LHFPL3: variants seen among roughly 807,000 people sequenced by gnomAD.
LHFPL3 encodes the protein LHFPL tetraspan subfamily member 3, also known as LHFPL tetraspan subfamily member 3 protein.
Under a neutral mutation model 19.3 loss-of-function variants are expected in LHFPL3, and 5 were observed. That is an observed-to-expected ratio of 0.26 (90% CI 0.14 to 0.54). The LOEUF (loss-of-function observed/expected upper bound fraction) is 0.54, where lower values mean the gene tolerates loss of function less well. Ranked by LOEUF, LHFPL3 falls within the 20% of genes least tolerant of loss-of-function variation. The pLI is 0.94. For missense variants in LHFPL3, 249 were observed against 307.4 expected, an observed-to-expected ratio of 0.81 and a Z score of 1.42; for synonymous variants, 133 against 126.2, an observed-to-expected ratio of 1.05 and a Z score of -0.36.
intron 2 of LHFPL3, among the ~76,000 whole-genome samples, chr7:104,840,586 TGGGATTAC>T (rs1008580675): frequency 7.1e-6 from 1 of 141,086 alleles, no homozygotes; most frequent in African/African-American, 2.7e-5. Context: ...CCTGAAGTAC[TGGGATTAC>T]GGGCAGGAGC....
At chr7:104,581,553 GTGTC>G (rs1370346510) in intron 1 of LHFPL3, among the ~76,000 whole-genome samples, 1 of 152,014 alleles carries the variant, frequency 6.6e-6, no homozygotes, top group Admixed American at 6.6e-5. Context: ...ACTATGCACT[GTGTC>G]TGTTTAAGAA....
intron 2 of LHFPL3, among the ~76,000 whole-genome samples, chr7:104,746,923 A>G (rs1794056593): frequency 6.6e-6 from 1 of 152,142 alleles, no homozygotes; most frequent in Admixed American, 6.5e-5. Flanking sequence ...CTTTGTTCCT[A>G]ATATCACTGA....
At chr7:104,727,372 T>C (rs1251691368) in intron 1 of LHFPL3, among the ~76,000 whole-genome samples, 1 of 152,236 alleles carries the variant, frequency 6.6e-6, no homozygotes, top group Non-Finnish European at 1.5e-5. Context: ...CAGTTGTTTT[T>C]GACGTTTTCC....
chr7:104,831,667 A>C (rs1790955190), intron 2 of LHFPL3, among the ~76,000 whole-genome samples: 1 of 151,904 alleles, frequency 6.6e-6, no homozygotes, highest in Non-Finnish European at 1.5e-5. Context: ...TAATTTTCTC[A>C]TTTGAAAAAT....
intron 2 of LHFPL3, among the ~76,000 whole-genome samples, chr7:104,807,682 G>C (rs186253928): frequency 4.6e-4 from 70 of 152,300 alleles, no homozygotes; most frequent in Middle Eastern, 3.4e-3. Flanking sequence ...GAAAAGAAGG[G>C]GAAGAGAAGG....
At chr7:104,552,193 C>G (rs549722875) in intron 1 of LHFPL3, among the ~76,000 whole-genome samples, 1 of 152,264 alleles carries the variant, frequency 6.6e-6, no homozygotes, top group East Asian at 1.9e-4. Context: ...ATCAAAGACG[C>G]ACCAGGCAGC....
At chr7:104,625,529 C>T (rs1791526127) in intron 1 of LHFPL3, among the ~76,000 whole-genome samples, 1 of 152,200 alleles carries the variant, frequency 6.6e-6, no homozygotes, top group South Asian at 2.1e-4. Flanking sequence ...GAGTGTCTCA[C>T]ATGCCTCCTT....
chr7:104,732,632 T>C (rs1379964212), intron 1 of LHFPL3, among the ~76,000 whole-genome samples: 1 of 152,236 alleles, frequency 6.6e-6, no homozygotes, highest in African/African-American at 2.4e-5. Context: ...TTTATTAGTC[T>C]TGTTAGTGGT....
rs941813718 is a variant in LHFPL3 at position 104,739,793 on chromosome 7, T to C, written c.682+2882T>C. ...TTCAGTGTCATGGAAGAAGGCAATG[T>C]CATATCTCAAGACTTGGCTCAACAG... On this transcript the variant is annotated intron_variant, in intron 2 of 2. Coordinates refer to ENST00000424859, the MANE Select transcript of LHFPL3 (RefSeq NM_199000.3). 3.3e-5 allele frequency among the ~76,000 whole-genome samples: 5 copies of C among 152,222 alleles called. No individual in the cohort carries two copies. The East Asian group carries it at 9.6e-4, about 29-fold the overall frequency.
intron 1 of LHFPL3, among the ~76,000 whole-genome samples, chr7:104,456,611 A>G (rs1792545567): frequency 6.6e-6 from 1 of 152,180 alleles, no homozygotes; most frequent in Admixed American, 6.6e-5. Context: ...TTAAGTGGAG[A>G]ACTTTCACCT....
At chr7:104,838,361 T>C (rs912903298) in intron 2 of LHFPL3, among the ~76,000 whole-genome samples, 10 of 152,204 alleles carry the variant, frequency 6.6e-5, no homozygotes, top group Admixed American at 6.5e-5. Flanking sequence ...TACACCTCCA[T>C]TGAGAAGAGC....
intron 1 of LHFPL3, among the ~76,000 whole-genome samples, chr7:104,597,831 T>A (rs1790892670): frequency 6.6e-6 from 1 of 152,204 alleles, no homozygotes; most frequent in Non-Finnish European, 1.5e-5. Flanking sequence ...TGAATTACAA[T>A]TTTTACCCCA....
Position 104,611,852 on chromosome 7 carries a change from C to T in LHFPL3, c.446-124823C>T, listed in dbSNP as rs938590835. ...TTTGAAAGCAAGAAGATAATACAGACGTGCTGTGCTTTGTATAATAGATGA... is the reference window on the plus strand; with the variant it reads ...TTTGAAAGCAAGAAGATAATACAGATGTGCTGTGCTTTGTATAATAGATGA... On this transcript the variant is annotated intron_variant, in intron 1 of 2. Coordinates refer to ENST00000424859, the MANE Select transcript of LHFPL3 (RefSeq NM_199000.3). Among the ~76,000 whole-genome samples the T allele has an allele frequency of 4.6e-5, 7 of 152,114 alleles. No individual in the cohort carries two copies. In the East Asian group the frequency reaches 9.6e-4, roughly 21 times the overall value.
intron 1 of LHFPL3, among the ~76,000 whole-genome samples, chr7:104,721,955 C>G (rs1793499897): frequency 6.6e-6 from 1 of 152,044 alleles, no homozygotes. Flanking sequence ...TGACTGGACC[C>G]TTGGTATGTA....
At chr7:104,644,366 C>T (rs1368758862) in intron 1 of LHFPL3, among the ~76,000 whole-genome samples, 1 of 152,182 alleles carries the variant, frequency 6.6e-6, no homozygotes, top group Admixed American at 6.5e-5. Flanking sequence ...TACTAACTTT[C>T]CTTAACCCAA....
chr7:104,617,321 A>C (rs975331178), intron 1 of LHFPL3, among the ~76,000 whole-genome samples: 1 of 152,150 alleles, frequency 6.6e-6, no homozygotes, highest in Admixed American at 6.6e-5. Flanking sequence ...TTCATGCATG[A>C]CTTGAAATAA....
chr7:104,334,845 T>A (rs1789756680), intron 1 of LHFPL3, among the ~76,000 whole-genome samples: 1 of 152,196 alleles, frequency 6.6e-6, no homozygotes, highest in Admixed American at 6.5e-5. Context: ...AAACCTCATA[T>A]CATCCAAAAT....
chr7:104,514,226 TTCTTC>T (rs1329745608), intron 1 of LHFPL3, among the ~76,000 whole-genome samples: 1 of 152,098 alleles, frequency 6.6e-6, no homozygotes, highest in Non-Finnish European at 1.5e-5. Flanking sequence ...CCAGCCCCCA[TTCTTC>T]TCTCCCTATT....
chr7:104,647,926 T>C (rs535446650), intron 1 of LHFPL3, among the ~76,000 whole-genome samples: 1 of 152,298 alleles, frequency 6.6e-6, no homozygotes, highest in East Asian at 1.9e-4. Context: ...TGGACACCTC[T>C]CTAATTGACA....
Sources: gnomAD v4.1 joint callset for allele counts (sites outside exome capture counted in the v4.1 genomes callset) on GRCh38, gnomAD v4.1.1 for gene constraint, MANE v1.5 for transcripts, NCBI Gene and HGNC (gene_info 2026-07-23, HGNC 2026-07-21) for gene names.